The following BTBD10 variants were observed in gnomAD, a reference collection of about 807,000 sequenced individuals.
BTBD10 encodes the protein BTB domain containing 10, also known as BTB/POZ domain-containing protein 10.
In BTBD10, 21 loss-of-function variants were observed where a neutral mutation model predicts 53.2. That is an observed-to-expected ratio of 0.39 (90% CI 0.28 to 0.57). BTBD10 has a LOEUF of 0.57. Ranked by LOEUF, BTBD10 falls within the 20% of genes least tolerant of loss-of-function variation. The probability of loss-of-function intolerance (pLI) is 0.53; values close to 1 mark genes in which losing one functional copy is unlikely to be tolerated. For synonymous variants in BTBD10, 149 were observed against 192.7 expected, an observed-to-expected ratio of 0.77 and a Z score of 1.88; for missense variants, 360 against 594.7, an observed-to-expected ratio of 0.61 and a Z score of 4.10.
intron 2 of BTBD10, among the ~76,000 whole-genome samples, chr11:13,427,682 G>C (rs1210586434): frequency 1.3e-5 from 2 of 152,148 alleles, no homozygotes; most frequent in Non-Finnish European, 2.9e-5. Context: ...TGCTTTTCAT[G>C]TGCACACAGA....
At chr11:13,409,773 T>C (rs769909727) in intron 6 of BTBD10, among the ~76,000 whole-genome samples, 1 of 152,232 alleles carries the variant, frequency 6.6e-6, no homozygotes, top group Non-Finnish European at 1.5e-5. Flanking sequence ...ACAGCTTTTA[T>C]TACTTGTTAA....
intron 1 of BTBD10, among the ~76,000 whole-genome samples, chr11:13,459,127 G>A (rs1951036710): frequency 1.3e-5 from 2 of 148,990 alleles, no homozygotes; most frequent in African/African-American, 4.9e-5. Context: ...CGGGATCTCG[G>A]CTCACTGCAA....
intron 5 of BTBD10, 125 bp from the exon 6 acceptor site, chr11:13,413,775 G>C: frequency 1.1e-6 from 1 of 933,116 alleles, no homozygotes; most frequent in Non-Finnish European, 1.5e-6. Context: ...CTGAAATGTG[G>C]AAGTTTAAAC....
At chr11:13,395,112 C>G (rs11022794) in intron 8 of BTBD10, among the ~76,000 whole-genome samples, 2,988 of 124,404 alleles carry the variant, frequency 0.024, 66 homozygotes, top group Admixed American at 0.043. Flanking sequence ...CATGAGGAAT[C>G]GCCACACCAA....
rs1226298381 is a variant in BTBD10, at chr11:13,388,267, T to TA, written c.*563dup. 3.1e-4 allele frequency: 48 copies of TA among 153,658 alleles called. No homozygotes were observed. Among genetic ancestry groups the TA allele is most frequent in the Admixed American group, 3.1e-3 (48 of 15,492 alleles). The allele number at this position is 153,658 out of a possible 1,614,324, so 9.5% of individuals were successfully genotyped here. ...TCTGGAGATAACTGAACTGGTAAGA[T>TA]ATGGGCATTAAATCTCATCCTGATC... On this transcript the variant is annotated 3_prime_UTR_variant, in exon 9 of 9. Coordinates refer to ENST00000278174, the MANE Select transcript of BTBD10 (RefSeq NM_032320.7).
intron 1 of BTBD10, among the ~76,000 whole-genome samples, chr11:13,446,435 A>C (rs985885): frequency 0.78 from 118,453 of 152,058 alleles, 46,954 homozygotes; most frequent in Middle Eastern, 0.88. Context: ...TTAGAGAAAC[A>C]ATTTTACTAT....
chr11:13,446,731 G>A (rs1950755271), intron 1 of BTBD10, among the ~76,000 whole-genome samples: 1 of 151,824 alleles, frequency 6.6e-6, no homozygotes, highest in Non-Finnish European at 1.5e-5. Flanking sequence ...AATCAATCAG[G>A]TATTAGATGA....
At chr11:13,398,206 C>T (rs1444406921) in intron 8 of BTBD10, among the ~76,000 whole-genome samples, 6 of 152,238 alleles carry the variant, frequency 3.9e-5, no homozygotes, top group Non-Finnish European at 7.4e-5. Context: ...TCAGGACTTG[C>T]TTTATGAATC....
At chr11:13,410,879 T>A (rs780163044) in intron 6 of BTBD10, among the ~76,000 whole-genome samples, 2 of 151,986 alleles carry the variant, frequency 1.3e-5, no homozygotes, top group Non-Finnish European at 2.9e-5. Flanking sequence ...GACACAAAAG[T>A]GTGAATAAAT....
At chr11:13,461,766 T>C (rs899465163) in intron 1 of BTBD10, among the ~76,000 whole-genome samples, 30 of 152,206 alleles carry the variant, frequency 2.0e-4, no homozygotes, top group African/African-American at 7.0e-4. Context: ...CTTTCCTGAT[T>C]GAACACTGTT....
At chr11:13,401,863 A>C (rs184132197) in intron 8 of BTBD10, among the ~76,000 whole-genome samples, 54 of 152,238 alleles carry the variant, frequency 3.5e-4, no homozygotes, top group African/African-American at 1.3e-3. Flanking sequence ...TATCTCTTCA[A>C]ATCTCCTCCT....
chr11:13,401,379 C>CAGG (rs1055070090), intron 8 of BTBD10, among the ~76,000 whole-genome samples: 1 of 152,010 alleles, frequency 6.6e-6, no homozygotes, highest in African/African-American at 2.4e-5. Context: ...ATTTGAGAAC[C>CAGG]ACCTATACCT....
intron 2 of BTBD10, among the ~76,000 whole-genome samples, chr11:13,444,499 C>G (rs1284780023): frequency 2.0e-5 from 3 of 152,112 alleles, no homozygotes; most frequent in Non-Finnish European, 4.4e-5. Context: ...TGGCCTGAAA[C>G]TTGAAATGAA....
chr11:13,413,634 C>A lies in BTBD10; in HGVS notation c.704G>T (p.Gly235Val), dbSNP rs1950017206. The A allele has an allele frequency of 6.2e-7, 1 of 1,609,638 alleles. No homozygotes were observed. Among genetic ancestry groups the A allele is most frequent in the Admixed American group, 1.7e-5 (1 of 59,540 alleles). ...TATGCCATCAGGACAACGGATTATT[C>A]CTGTTTTATAGTAATCCTGGAAAAA... ...FRAILDYYKT[G>V]IIRCPDGISI... Residue 235 changes from glycine (G) to valine (V), a missense_variant, in exon 6 of 9, where the codon GGA becomes GTA. Physicochemically the swap from Gly to Val is moderately radical, Grantham distance 109. Transcript: ENST00000278174.
At chr11:13,460,850 T>C (rs970477980) in intron 1 of BTBD10, among the ~76,000 whole-genome samples, 4 of 152,246 alleles carry the variant, frequency 2.6e-5, no homozygotes, top group Non-Finnish European at 4.4e-5. Flanking sequence ...GGGTCTCTTG[T>C]ATTTAATTTT....
chr11:13,420,892 TAAGTAC>T (rs1950229758), intron 3 of BTBD10, among the ~76,000 whole-genome samples: 2 of 152,338 alleles, frequency 1.3e-5, no homozygotes, highest in African/African-American at 4.8e-5. Flanking sequence ...GTCTGGCTTA[TAAGTAC>T]AAGTCTGACT....
At chr11:13,443,358 C>T (rs559995919) in intron 2 of BTBD10, among the ~76,000 whole-genome samples, 1 of 151,848 alleles carries the variant, frequency 6.6e-6, no homozygotes, top group African/African-American at 2.4e-5. Flanking sequence ...ATGAAAAATG[C>T]ACTGTTCATT....
intron 2 of BTBD10, among the ~76,000 whole-genome samples, chr11:13,441,031 A>G (rs1374669041): frequency 6.6e-6 from 1 of 152,210 alleles, no homozygotes; most frequent in Admixed American, 6.5e-5. Flanking sequence ...ATACAAGTAT[A>G]TAACTATGCA....
At chr11:13,456,077 G>C (rs1338160227) in intron 1 of BTBD10, among the ~76,000 whole-genome samples, 2 of 152,166 alleles carry the variant, frequency 1.3e-5, no homozygotes, top group African/African-American at 2.4e-5. Flanking sequence ...TTTGCCCTGA[G>C]ACAAAACACT....
Sources: allele counts gnomAD v4.1 joint callset (sites outside exome capture counted in the v4.1 genomes callset), GRCh38; gene constraint gnomAD v4.1.1; transcripts MANE v1.5; gene names NCBI Gene and HGNC (gene_info 2026-07-23, HGNC 2026-07-21).